Variants in DENND6A observed in about 807,000 individuals in gnomAD.
DENND6A encodes the protein protein DENND6A.
A neutral mutation model predicts 95.5 loss-of-function variants in DENND6A; 43 were observed. The observed-to-expected ratio is 0.45, with a 90% CI of 0.35 to 0.58. The LOEUF (loss-of-function observed/expected upper bound fraction) is 0.58. DENND6A is among the 20% of genes least tolerant of loss of function. DENND6A has a pLI of 0.00. For synonymous variants in DENND6A, 257 were observed against 260.4 expected, an observed-to-expected ratio of 0.99 and a Z score of 0.13; for missense variants, 574 against 736.0, an observed-to-expected ratio of 0.78 and a Z score of 2.55.
chr3:57,643,901 A>G (rs963390568), intron 11 of DENND6A, among the ~76,000 whole-genome samples: 5 of 151,744 alleles, frequency 3.3e-5, no homozygotes, highest in South Asian at 2.1e-4. Context: ...TGTAATCCCA[A>G]CACTTTTGGG....
In DENND6A at chr3:57,630,615, T is replaced by C. The variant is rs769433979; in HGVS notation, c.1518-92A>G. On this transcript the variant is annotated intron_variant, in intron 17 of 19. Coordinates refer to ENST00000311128, the MANE Select transcript of DENND6A (RefSeq NM_152678.3). ...CTAGTCAGAGAACCATGTCAAACTT[T>C]AGTAGAATTTTTTAAAAAGAATAAG... is the stretch of plus-strand genomic sequence containing the variant. 111 of 1,523,968 alleles carry C rather than the reference T, an allele frequency of 7.3e-5. 1 individual carries two copies. The highest frequency in any genetic ancestry group is 9.5e-5 in the Non-Finnish European group (108 of 1,131,554). The allele number at this position is 1,523,968 out of a possible 1,614,324, so 94.4% of individuals were successfully genotyped here. A position where few individuals can be genotyped will look rare whatever the true frequency, so the allele number is the denominator to read the frequency against.
intron 9 of DENND6A, among the ~76,000 whole-genome samples, chr3:57,649,866 C>T (rs1347261091): frequency 6.7e-6 from 1 of 149,978 alleles, no homozygotes; most frequent in Non-Finnish European, 1.5e-5. Flanking sequence ...CACTAGACCA[C>T]GTCTCCAAGT....
rs1220135300 is a variant in DENND6A at position 57,672,303 on chromosome 3, AAAAG to A, written c.277-9_277-6del. On this transcript the variant is annotated splice_region_variant and splice_polypyrimidine_tract_variant and intron_variant, in intron 2 of 19. Coordinates refer to ENST00000311128, the MANE Select transcript of DENND6A (RefSeq NM_152678.3). ...CAAATAGCAAATATTGGTTTTCTGA[AAAAG>A]AAAACAAAAGTGATGTATGCTGACA... 1 of 1,608,692 alleles carries A rather than the reference AAAAG, an allele frequency of 6.2e-7. No individual in the cohort carries two copies. Among genetic ancestry groups the A allele is most frequent in the African/African-American group, 1.3e-5 (1 of 74,626 alleles).
intron 11 of DENND6A, among the ~76,000 whole-genome samples, chr3:57,643,055 T>C (rs1050013498): frequency 6.7e-6 from 1 of 150,098 alleles, no homozygotes; most frequent in Non-Finnish European, 1.5e-5. Flanking sequence ...TTGGAAGTTA[T>C]CTTATGAGGA....
chr3:57,680,859 C>T (rs1265913015), intron 1 of DENND6A, among the ~76,000 whole-genome samples: 2 of 152,090 alleles, frequency 1.3e-5, no homozygotes, highest in Non-Finnish European at 2.9e-5. Flanking sequence ...TAAGACATGG[C>T]TCATACCTAC....
At chr3:57,631,525 C>T (rs1328264336) in intron 15 of DENND6A, among the ~76,000 whole-genome samples, 1 of 151,794 alleles carries the variant, frequency 6.6e-6, no homozygotes, top group Non-Finnish European at 1.5e-5. Context: ...TAATAGTTAA[C>T]CTTACTGAGC....
At position 57,688,003 on chromosome 3, in the gene DENND6A, G is replaced by GTT. The variant is rs35483457; in HGVS notation, c.237+4777_237+4778dup. 4.1e-3 allele frequency among the ~76,000 whole-genome samples: 594 copies of GTT among 144,058 alleles called. 4 individuals are homozygous for GTT. The highest frequency in any genetic ancestry group is 7.0e-3 in the Non-Finnish European group (463 of 66,072). 94.5% of individuals were successfully genotyped at this position (144,058 alleles called of 152,430 possible). On this transcript the variant is annotated intron_variant, in intron 1 of 19. Coordinates refer to ENST00000311128, the MANE Select transcript of DENND6A (RefSeq NM_152678.3). ...GAAGAGTTTTTTGTTTTTTGGGTTTGTTTTTTTTTTGAGACAAAGTCTTAC... is the reference window on the plus strand; with the variant it reads ...GAAGAGTTTTTTGTTTTTTGGGTTTGTTTTTTTTTTTTGAGACAAAGTCTTAC...
At chr3:57,656,617 A>G (rs111800673) in intron 9 of DENND6A, among the ~76,000 whole-genome samples, 7 of 151,978 alleles carry the variant, frequency 4.6e-5, no homozygotes, top group African/African-American at 1.7e-4. Context: ...AAACTAACCA[A>G]TCTTTTGAAG....
intron 1 of DENND6A, among the ~76,000 whole-genome samples, chr3:57,681,621 T>TAAAAAAAAA (rs35245886): frequency 8.4e-6 from 1 of 119,646 alleles, no homozygotes; most frequent in Non-Finnish European, 1.7e-5. Context: ...AAGACCCTGT[T>TAAAAAAAAA]AAAAAAAAAA....
At chr3:57,665,425 T>C (rs1266812427) in intron 4 of DENND6A, among the ~76,000 whole-genome samples, 2 of 152,168 alleles carry the variant, frequency 1.3e-5, no homozygotes, top group East Asian at 3.8e-4. Flanking sequence ...AGATGATATA[T>C]GCTTATTAAT....
Position 57,628,861 on chromosome 3 carries a change from G to A in DENND6A, c.1645C>T (p.His549Tyr), listed in dbSNP as rs767081603. The change falls in exon 19 of 20, where the codon CAC (histidine) becomes TAC (tyrosine). Residue 549 changes from histidine (H) to tyrosine (Y), a missense_variant. This residue lies in a region of DENND6A where 452 missense variants were observed against 630.9 expected (regional missense o/e 0.72). Coordinates refer to ENST00000311128, the MANE Select transcript of DENND6A (RefSeq NM_152678.3). ...EEDLLLWIQK[H>Y]TEVETVDLVL... ...AGGTCTACTGTTTCTACTTCTGTGT[G>A]TTTCTGGATCCAGAGAAGTAAGTCC... 1.2e-6 allele frequency: 2 copies of A among 1,612,854 alleles called. No homozygotes were observed. Among genetic ancestry groups the A allele is most frequent in the Admixed American group, 3.4e-5 (2 of 59,592 alleles).
rs114967808 is a variant in DENND6A at position 57,657,750 on chromosome 3, A to G, written c.763-15T>C. Reference sequence around the variant, plus strand: ...TTTGTGTCCACCTGAGAGATAGAAAAGAAAAATAAAAGAAGGTATCACCAA... The same window carrying G: ...TTTGTGTCCACCTGAGAGATAGAAAGGAAAAATAAAAGAAGGTATCACCAA... On this transcript the variant is annotated splice_polypyrimidine_tract_variant and intron_variant, in intron 8 of 19. Transcript: ENST00000311128. 21,099 of 1,550,506 alleles carry G rather than the reference A, an allele frequency of 0.014. 240 individuals are homozygous for G. Among genetic ancestry groups the G allele is most frequent in the Non-Finnish European group, 0.014 (16,458 of 1,139,702 alleles).
At chr3:57,689,501 A>C (rs1270352918) in intron 1 of DENND6A, among the ~76,000 whole-genome samples, 2 of 152,138 alleles carry the variant, frequency 1.3e-5, no homozygotes, top group Non-Finnish European at 2.9e-5. Flanking sequence ...AGGGGAAAAG[A>C]AGCTCAGCAC....
intron 15 of DENND6A, among the ~76,000 whole-genome samples, chr3:57,632,416 C>A (rs898615503): frequency 1.3e-5 from 2 of 151,914 alleles, no homozygotes; most frequent in Non-Finnish European, 2.9e-5. Context: ...AAGTCCTGGC[C>A]TTAAGCAATC....
intron 19 of DENND6A, 36 bp downstream of exon 19, chr3:57,628,775 A>C: frequency 6.3e-7 from 1 of 1,592,014 alleles, no homozygotes; most frequent in South Asian, 1.1e-5. Flanking sequence ...CTTCAAAGAA[A>C]AGTCAATTTA....
intron 19 of DENND6A, among the ~76,000 whole-genome samples, 172 bp from the exon 20 acceptor site, chr3:57,628,517 T>G (rs1451054234): frequency 6.6e-6 from 1 of 152,218 alleles, no homozygotes; most frequent in Non-Finnish European, 1.5e-5. Flanking sequence ...AATTCGTTAT[T>G]GAGCTCAATA....
At chr3:57,677,419 C>CTTTTTTTTTTTT (rs71088101) in intron 1 of DENND6A, among the ~76,000 whole-genome samples, 6 of 68,708 alleles carry the variant, frequency 8.7e-5, no homozygotes, top group African/African-American at 1.2e-4. Flanking sequence ...CTTTGTTGTC[C>CTTTTTTTTTTTT]TTTTTTTTTT....
At chr3:57,633,795 CAGA>C (rs1388705678) in intron 14 of DENND6A, among the ~76,000 whole-genome samples, 4 of 151,538 alleles carry the variant, frequency 2.6e-5, no homozygotes, top group African/African-American at 9.7e-5. Context: ...AAGGCTGAGA[CAGA>C]AGAATTGCTT....
In DENND6A at chr3:57,666,111, T is replaced by C. The variant is rs2071521210; in HGVS notation, c.432+12A>G. The stretch of plus-strand genomic sequence containing the variant: ...TCTCACATGGACATTTTCCTATGAC[T>C]ACTTTTCCAACCTTTAAGTAAACTG... On this transcript the variant is annotated intron_variant, in intron 4 of 19. Coordinates refer to ENST00000311128, the MANE Select transcript of DENND6A (RefSeq NM_152678.3). 6.2e-7 allele frequency: 1 copy of C among 1,607,422 alleles called. No homozygotes were observed. Among genetic ancestry groups the C allele is most frequent in the African/African-American group, 1.3e-5 (1 of 74,864 alleles).
Sources: allele counts gnomAD v4.1 joint callset (sites outside exome capture counted in the v4.1 genomes callset), GRCh38; gene constraint gnomAD v4.1.1; regional missense constraint gnomAD v4.1.1; transcripts MANE v1.5; gene names NCBI Gene and HGNC (gene_info 2026-07-23, HGNC 2026-07-21).